The following PLXNA4 variants were observed in gnomAD, a reference collection of about 807,000 sequenced individuals.
PLXNA4 encodes plexin-A4.
Under a neutral mutation model 191.8 loss-of-function variants are expected in PLXNA4, and 44 were observed. That is an observed-to-expected ratio of 0.23 (90% confidence interval 0.18 to 0.29). PLXNA4 has a LOEUF of 0.29. Ranked by LOEUF, PLXNA4 falls within the 10% of genes least tolerant of loss-of-function variation. PLXNA4 has a pLI of 1.00. For missense variants in PLXNA4, 1,800 were observed against 2,488.8 expected (o/e 0.72, Z 5.89); for synonymous variants, 1,082 against 1,009.5 (o/e 1.07, Z -1.36).
intron 1 of PLXNA4, among the ~76,000 whole-genome samples, chr7:132,546,525 G>C (rs993631776): frequency 1.3e-5 from 2 of 152,206 alleles, no homozygotes; most frequent in African/African-American, 4.8e-5. Context: ...AGTGGGCACT[G>C]TTAATTCACA....
intron 3 of PLXNA4, among the ~76,000 whole-genome samples, chr7:132,448,677 G>A (rs902553686): frequency 2.0e-5 from 3 of 152,314 alleles, no homozygotes; most frequent in Non-Finnish European, 1.5e-5. Context: ...TCTAAGGAAA[G>A]CAGTTATTGT....
intron 3 of PLXNA4, among the ~76,000 whole-genome samples, chr7:132,345,021 C>T (rs552818571): frequency 5.9e-5 from 9 of 152,262 alleles, no homozygotes; most frequent in South Asian, 4.1e-4. Flanking sequence ...AGCCTAGGTG[C>T]CAGCATTGGT....
At chr7:132,344,007 T>G (rs1016710226) in intron 3 of PLXNA4, among the ~76,000 whole-genome samples, 1 of 152,198 alleles carries the variant, frequency 6.6e-6, no homozygotes, top group Non-Finnish European at 1.5e-5. Context: ...TTTAGACACA[T>G]CATTGCCACC....
chr7:132,616,148 G>GAC (rs1184593267), intron 2 of PLXNA4, among the ~76,000 whole-genome samples: 1 of 152,012 alleles, frequency 6.6e-6, no homozygotes, highest in African/African-American at 2.4e-5. Context: ...TTCTCTACCT[G>GAC]ACACACACAT....
At chr7:132,409,104 T>G (rs2341823) in intron 3 of PLXNA4, among the ~76,000 whole-genome samples, 43,370 of 152,154 alleles carry the variant, frequency 0.29, 12,414 homozygotes, top group African/African-American at 0.73. Context: ...TTTACAGTCT[T>G]CAGAGAAAAA....
intron 3 of PLXNA4, among the ~76,000 whole-genome samples, chr7:132,458,915 A>G (rs1446340730): frequency 6.6e-6 from 1 of 152,216 alleles, no homozygotes; most frequent in African/African-American, 2.4e-5. Flanking sequence ...TAACGGGACA[A>G]GCACTGCAAA....
At chr7:132,602,744 G>A (rs1414046788) in intron 2 of PLXNA4, among the ~76,000 whole-genome samples, 1 of 152,148 alleles carries the variant, frequency 6.6e-6, no homozygotes, top group Non-Finnish European at 1.5e-5. Flanking sequence ...TCAGAGACAT[G>A]AGAATCAGCC....
At chr7:132,252,390 C>T (rs1318881946) in intron 4 of PLXNA4, among the ~76,000 whole-genome samples, 2 of 138,826 alleles carry the variant, frequency 1.4e-5, no homozygotes, top group Non-Finnish European at 3.0e-5. Flanking sequence ...TGGCTCACTG[C>T]AGCCTCTGCC....
intron 2 of PLXNA4, among the ~76,000 whole-genome samples, chr7:132,611,379 C>G (rs990070238): frequency 1.3e-5 from 2 of 152,224 alleles, no homozygotes; most frequent in African/African-American, 4.8e-5. Flanking sequence ...AAAACTCCAG[C>G]CTTTGGCAAA....
At chr7:132,196,396 C>G (rs1179132160) in intron 13 of PLXNA4, among the ~76,000 whole-genome samples, 1 of 152,180 alleles carries the variant, frequency 6.6e-6, no homozygotes, top group Non-Finnish European at 1.5e-5. Flanking sequence ...AACCTGTGTT[C>G]CAAGAACCTG....
intron 3 of PLXNA4, among the ~76,000 whole-genome samples, chr7:132,414,451 A>G (rs1794581880): frequency 6.6e-6 from 1 of 152,202 alleles, no homozygotes; most frequent in Admixed American, 6.5e-5. Flanking sequence ...ACCCCAAACC[A>G]TCAGAGGAGA....
intron 3 of PLXNA4, among the ~76,000 whole-genome samples, chr7:132,361,652 G>A (rs900278208): frequency 3.7e-4 from 57 of 152,198 alleles, no homozygotes; most frequent in African/African-American, 1.3e-3. Context: ...CAGGAACAGG[G>A]AGTGAGGCCA....
intron 3 of PLXNA4, among the ~76,000 whole-genome samples, chr7:132,410,539 G>A (rs954991239): frequency 1.1e-4 from 16 of 152,190 alleles, no homozygotes; most frequent in African/African-American, 2.2e-4. Context: ...ACAGGATTAC[G>A]TCATGTGCTC....
intron 31 of PLXNA4, among the ~76,000 whole-genome samples, chr7:132,132,418 TTC>T (rs1476321848): frequency 1.1e-4 from 7 of 60,922 alleles, no homozygotes; most frequent in African/African-American, 4.1e-4. Flanking sequence ...TTCTGTTCTG[TTC>T]TGTTCTGTTC....
At chr7:132,292,718 A>G (rs1372280424) in intron 4 of PLXNA4, among the ~76,000 whole-genome samples, 2 of 152,214 alleles carry the variant, frequency 1.3e-5, no homozygotes, top group Non-Finnish European at 2.9e-5. Context: ...AGGAACTTAT[A>G]TGCTAATTCA....
At chr7:132,252,177 T>C (rs908154914) in intron 4 of PLXNA4, among the ~76,000 whole-genome samples, 6 of 152,116 alleles carry the variant, frequency 3.9e-5, no homozygotes, top group Non-Finnish European at 7.3e-5. Flanking sequence ...CCCTCTGGTG[T>C]CTGGGTCATC....
At chr7:132,436,872 C>T (rs1346202768) in intron 3 of PLXNA4, among the ~76,000 whole-genome samples, 1 of 152,198 alleles carries the variant, frequency 6.6e-6, no homozygotes, top group Admixed American at 6.5e-5. Context: ...TGCTATACCC[C>T]ACTCAATGCA....
chr7:132,563,815 C>CTCTTCT (rs1801531048), intron 1 of PLXNA4, among the ~76,000 whole-genome samples: 3 of 75,992 alleles, frequency 3.9e-5, no homozygotes, highest in East Asian at 4.7e-4. Flanking sequence ...TCTCCTCCTC[C>CTCTTCT]TTCTCCTCCT....
At chr7:132,216,896 T>C (rs1166550835) in intron 9 of PLXNA4, among the ~76,000 whole-genome samples, 1 of 152,216 alleles carries the variant, frequency 6.6e-6, no homozygotes, top group Non-Finnish European at 1.5e-5. Context: ...AACTATGATT[T>C]GAAAGGGCCA....
Sources: allele counts gnomAD v4.1 joint callset (sites outside exome capture counted in the v4.1 genomes callset), GRCh38; gene constraint gnomAD v4.1.1; transcripts MANE v1.5; gene names NCBI Gene and HGNC (gene_info 2026-07-23, HGNC 2026-07-21).